EBF1: variants seen among roughly 807,000 people sequenced by gnomAD.
EBF1 encodes the protein EBF transcription factor 1, also known as transcription factor COE1.
In EBF1, 10 loss-of-function variants were observed where a neutral mutation model predicts 68.4. That is an observed-to-expected ratio of 0.15 (90% CI 0.09 to 0.25). EBF1 has a LOEUF of 0.25. Ranked by LOEUF, EBF1 falls within the 10% of genes least tolerant of loss-of-function variation. The pLI, the probability that EBF1 is intolerant of heterozygous loss-of-function variation, is 1.00. For synonymous variants in EBF1, 298 were observed against 299.8 expected (o/e 0.99, Z 0.06); for missense variants, 509 against 794.4 (o/e 0.64, Z 4.32).
At chr5:158,980,911 C>T (rs1757765724) in intron 6 of EBF1, among the ~76,000 whole-genome samples, 1 of 152,022 alleles carries the variant, frequency 6.6e-6, no homozygotes, top group Non-Finnish European at 1.5e-5. Flanking sequence ...GAAAAAGAAA[C>T]TAGTAAGTTT....
intron 6 of EBF1, chr5:158,987,033 C>T (rs1759228428): frequency 6.6e-6 from 1 of 152,110 alleles, no homozygotes; most frequent in African/African-American, 2.4e-5. Context: ...CATTTTTAAC[C>T]CTACATCTGC....
At chr5:158,751,457 G>A (rs1011448456) in intron 10 of EBF1, among the ~76,000 whole-genome samples, 22 of 152,106 alleles carry the variant, frequency 1.4e-4, no homozygotes, top group Admixed American at 1.2e-3. Context: ...TACCAGATGT[G>A]TCCAAGCGTC....
At chr5:158,914,348 A>G (rs1164544124) in intron 6 of EBF1, among the ~76,000 whole-genome samples, 1 of 152,088 alleles carries the variant, frequency 6.6e-6, no homozygotes, top group East Asian at 1.9e-4. Context: ...GCACTGTCTC[A>G]TTGCATGCGT....
Position 158,859,841 on chromosome 5 carries a change from C to T in EBF1, c.555-19731G>A, listed in dbSNP as rs553764120. Reference sequence around the variant, plus strand: ...ATTCCCAAGGCTTTTGTTGATATCTCATCGGTCACTTATTACCTTGTACTT... The same window carrying T: ...ATTCCCAAGGCTTTTGTTGATATCTTATCGGTCACTTATTACCTTGTACTT... On this transcript the variant is annotated intron_variant, in intron 6 of 15. Coordinates refer to ENST00000313708, the MANE Select transcript of EBF1 (RefSeq NM_024007.5). 4.6e-5 allele frequency among the ~76,000 whole-genome samples: 7 copies of T among 152,320 alleles called. No individual in the cohort carries two copies. In the South Asian group the frequency reaches 1.5e-3, roughly 32 times the overall value.
chr5:158,897,116 C>T (rs1802325582), intron 6 of EBF1, among the ~76,000 whole-genome samples: 1 of 151,982 alleles, frequency 6.6e-6, no homozygotes, highest in Non-Finnish European at 1.5e-5. Flanking sequence ...CATATATGAA[C>T]GTGTATGTTC....
chr5:158,907,279 G>A (rs759420085), intron 6 of EBF1, among the ~76,000 whole-genome samples: 2 of 152,170 alleles, frequency 1.3e-5, no homozygotes, highest in African/African-American at 4.8e-5. Context: ...TCACAGGGTG[G>A]CATTAGTATG....
chr5:159,009,405 G>A (rs571080235), intron 6 of EBF1, among the ~76,000 whole-genome samples: 133 of 152,256 alleles, frequency 8.7e-4, no homozygotes, highest in African/African-American at 3.1e-3. Context: ...AAAGAGCCTC[G>A]TTTAAGAAAT....
chr5:159,080,855 G>A (rs1163441632), intron 5 of EBF1, among the ~76,000 whole-genome samples: 1 of 152,228 alleles, frequency 6.6e-6, no homozygotes, highest in Non-Finnish European at 1.5e-5. Flanking sequence ...AGCAAAGGAA[G>A]ACAGATTGTG....
intron 8 of EBF1, among the ~76,000 whole-genome samples, chr5:158,805,081 G>A (rs1243428800): frequency 6.6e-6 from 1 of 152,088 alleles, no homozygotes; most frequent in Non-Finnish European, 1.5e-5. Flanking sequence ...TTATTGTCCT[G>A]TTGTAAGAAA....
chr5:158,915,655 A>G (rs1390997694), intron 6 of EBF1, among the ~76,000 whole-genome samples: 1 of 152,190 alleles, frequency 6.6e-6, no homozygotes, highest in Non-Finnish European at 1.5e-5. Context: ...CCTTAAAGAA[A>G]CAGATGCCTG....
intron 6 of EBF1, among the ~76,000 whole-genome samples, chr5:158,934,310 A>G (rs1261438460): frequency 6.6e-6 from 1 of 152,310 alleles, no homozygotes; most frequent in South Asian, 2.1e-4. Flanking sequence ...CACTTCATAC[A>G]CATACACATA....
chr5:159,091,609 C>A (rs1396317402), intron 4 of EBF1, among the ~76,000 whole-genome samples: 1 of 152,126 alleles, frequency 6.6e-6, no homozygotes, highest in African/African-American at 2.4e-5. Flanking sequence ...GTTTATCTAC[C>A]AATGAAGAAC....
chr5:158,961,291 A>G (rs1818140477), intron 6 of EBF1, among the ~76,000 whole-genome samples: 1 of 150,348 alleles, frequency 6.7e-6, no homozygotes, highest in Non-Finnish European at 1.5e-5. Context: ...CATCTCCTTC[A>G]ATTCAAAGAT....
intron 6 of EBF1, among the ~76,000 whole-genome samples, chr5:159,007,409 T>C (rs1763779734): frequency 6.6e-6 from 1 of 152,214 alleles, no homozygotes; most frequent in East Asian, 1.9e-4. Context: ...TGCTTTTGGA[T>C]GACTGTTTAT....
intron 7 of EBF1, among the ~76,000 whole-genome samples, chr5:158,837,340 G>A (rs1375796811): frequency 2.0e-5 from 3 of 152,218 alleles, no homozygotes; most frequent in Admixed American, 2.0e-4. Context: ...ACCCTAGACT[G>A]AACTCATGAT....
intron 9 of EBF1, among the ~76,000 whole-genome samples, chr5:158,791,566 AC>A (rs1014083422): frequency 1.3e-5 from 2 of 151,032 alleles, no homozygotes; most frequent in African/African-American, 4.9e-5. Flanking sequence ...TCCCCACGAA[AC>A]CCACCATTGT....
intron 6 of EBF1, among the ~76,000 whole-genome samples, chr5:158,843,732 T>C (rs1338752507): frequency 6.6e-6 from 1 of 152,156 alleles, no homozygotes; most frequent in East Asian, 1.9e-4. Context: ...TTCCCCTAAG[T>C]AAAAGCCAAG....
chr5:158,788,620 A>T (rs1037022537), intron 9 of EBF1, among the ~76,000 whole-genome samples: 2 of 152,154 alleles, frequency 1.3e-5, no homozygotes, highest in Non-Finnish European at 2.9e-5. Flanking sequence ...AGTGATCAGC[A>T]ATCAGCAAGA....
intron 6 of EBF1, among the ~76,000 whole-genome samples, chr5:159,070,109 CTGG>C (rs1414329604): frequency 2.6e-5 from 4 of 152,130 alleles, no homozygotes; most frequent in African/African-American, 9.7e-5. Context: ...TTATCAGTTC[CTGG>C]TTATTTGCTA....
Sources: gnomAD v4.1 joint callset for allele counts (sites outside exome capture counted in the v4.1 genomes callset) on GRCh38, gnomAD v4.1.1 for gene constraint, MANE v1.5 for transcripts, NCBI Gene and HGNC (gene_info 2026-07-23, HGNC 2026-07-21) for gene names.